Variants in CCDC191 observed in about 807,000 individuals in gnomAD.
CCDC191 encodes the protein coiled-coil domain containing 191.
Under a neutral mutation model 114.0 loss-of-function variants are expected in CCDC191, and 99 were observed. That is an observed-to-expected ratio of 0.87 (90% CI 0.74 to 1.03). CCDC191 has a LOEUF of 1.03. Ranked by LOEUF, CCDC191 falls within the 50% of genes least tolerant of loss-of-function variation. CCDC191 has a pLI of 0.00. For synonymous variants in CCDC191, 351 were observed against 376.0 expected, an observed-to-expected ratio of 0.93 and a Z score of 0.77; for missense variants, 973 against 1,087.0, an observed-to-expected ratio of 0.90 and a Z score of 1.47.
Position 114,013,696 on chromosome 3 carries a change from G to A in CCDC191, c.1164-2675C>T, listed in dbSNP as rs549990425. Among the ~76,000 whole-genome samples the A allele has an allele frequency of 2.6e-5, 4 of 152,292 alleles. No homozygotes were observed. The East Asian group carries it at 5.8e-4, about 22-fold the overall frequency. On this transcript the variant is annotated intron_variant, in intron 8 of 16. Coordinates refer to ENST00000295878, the MANE Select transcript of CCDC191 (RefSeq NM_020817.2). ...ACAATGATATATAACTGCATGCAGA[G>A]AAAGGCAGGCTCTGCTCATCTAAGA...
At chr3:114,053,236 C>T (rs2076720541) in intron 2 of CCDC191, among the ~76,000 whole-genome samples, 1 of 152,148 alleles carries the variant, frequency 6.6e-6, no homozygotes, top group African/African-American at 2.4e-5. Context: ...AGTTTTCACC[C>T]ATTAGTCCCT....
At chr3:113,995,019 TTGA>T (rs2075682006) in intron 13 of CCDC191, among the ~76,000 whole-genome samples, 1 of 152,242 alleles carries the variant, frequency 6.6e-6, no homozygotes, top group African/African-American at 2.4e-5. Context: ...GGAATACTAT[TTGA>T]TGATAAAAAG....
At chr3:114,018,317 C>A (rs937619887) in intron 8 of CCDC191, among the ~76,000 whole-genome samples, 1 of 150,922 alleles carries the variant, frequency 6.6e-6, no homozygotes, top group Non-Finnish European at 1.5e-5. Context: ...AGATCATGTA[C>A]AATGTATATT....
chr3:113,971,559 G>A (rs999656168), intron 16 of CCDC191, among the ~76,000 whole-genome samples: 9 of 152,150 alleles, frequency 5.9e-5, no homozygotes, highest in South Asian at 2.1e-4. Flanking sequence ...TCTTTTCAAC[G>A]TGTTATTGAA....
intron 7 of CCDC191, among the ~76,000 whole-genome samples, chr3:114,029,222 T>C (rs2076369228): frequency 6.6e-6 from 1 of 152,236 alleles, no homozygotes; most frequent in South Asian, 2.1e-4. Context: ...TGGAAGCATG[T>C]TGAAAGAACA....
Position 114,000,202 on chromosome 3 carries a change from T to C in CCDC191, c.2163+1393A>G, listed in dbSNP as rs528626703. ...GAGTTGGTGGCCTTAGTAAAGTAGA[T>C]TGCCCTCACTAATGTTGGTGGGCAT... On this transcript the variant is annotated intron_variant, in intron 13 of 16. Coordinates refer to ENST00000295878, the MANE Select transcript of CCDC191 (RefSeq NM_020817.2). Among the ~76,000 whole-genome samples, 11 of 145,672 alleles carry C rather than the reference T, an allele frequency of 7.6e-5. No individual in the cohort carries two copies. In the South Asian group the frequency reaches 2.2e-3, roughly 29 times the overall value.
At position 114,056,395 on chromosome 3, in the gene CCDC191, T is replaced by C. The variant is rs2076782826; in HGVS notation, c.72A>G (p.Thr24=). The C allele has an allele frequency of 4.3e-6, 7 of 1,614,138 alleles. No individual in the cohort carries two copies. The highest frequency in any genetic ancestry group is 5.9e-6 in the Non-Finnish European group (7 of 1,180,014). Residue 24 remains threonine (T), a synonymous_variant, in exon 1 of 17, where the codon ACA becomes ACG. Transcript: ENST00000295878. ...RMGLNRWKRF[T]RKPSPKPTFG... is the part of the protein sequence containing the mutation. Reference sequence around the variant, plus strand: ...GGATCACCTTGGGACTCGGCTTCCTTGTGAACCGTTTCCAGCGATTCAGCC... The same window carrying C: ...GGATCACCTTGGGACTCGGCTTCCTCGTGAACCGTTTCCAGCGATTCAGCC...
Position 114,056,471 on chromosome 3 carries a change from C to G in CCDC191, c.-5G>C, listed in dbSNP as rs770319669. 6.2e-6 allele frequency: 10 copies of G among 1,614,014 alleles called. No individual in the cohort carries two copies. In the African/African-American group the frequency reaches 1.3e-4, roughly 22 times the overall value. On this transcript the variant is annotated 5_prime_UTR_variant, in exon 1 of 17. Transcript: ENST00000295878. ...TCCCTGAGGCGCCAGGAGCATTTTCCAAGTTCGAGCCCGAACCTCGGCCAA... is the reference window on the plus strand; with the variant it reads ...TCCCTGAGGCGCCAGGAGCATTTTCGAAGTTCGAGCCCGAACCTCGGCCAA...
intron 9 of CCDC191, among the ~76,000 whole-genome samples, chr3:114,006,464 TG>T (rs986111424): frequency 2.7e-5 from 4 of 150,744 alleles, no homozygotes; most frequent in African/African-American, 9.8e-5. Flanking sequence ...AAAAGAAAAC[TG>T]GGAGAGTGGC....
chr3:114,028,371 T>C (rs531282092), intron 7 of CCDC191, among the ~76,000 whole-genome samples: 2 of 150,742 alleles, frequency 1.3e-5, no homozygotes, highest in African/African-American at 2.4e-5. Context: ...CTGCAAGCTC[T>C]GCCTCCTGGG....
At chr3:113,988,816 C>G (rs1396573075) in intron 13 of CCDC191, among the ~76,000 whole-genome samples, 1 of 150,882 alleles carries the variant, frequency 6.6e-6, no homozygotes, top group Non-Finnish European at 1.5e-5. Flanking sequence ...TTTTTTGAGA[C>G]AGAGTCTCGC....
At chr3:113,994,354 C>T (rs964536087) in intron 13 of CCDC191, among the ~76,000 whole-genome samples, 5 of 152,112 alleles carry the variant, frequency 3.3e-5, no homozygotes, top group Admixed American at 1.3e-4. Flanking sequence ...TACTACACAC[C>T]TATTAGAACA....
chr3:113,969,660 A>G (rs1940601168), intron 16 of CCDC191, among the ~76,000 whole-genome samples: 1 of 152,010 alleles, frequency 6.6e-6, no homozygotes, highest in Non-Finnish European at 1.5e-5. Flanking sequence ...TTGGTTGTAA[A>G]TGTGTGGATT....
At chr3:113,979,410 A>T (rs2075059782) in intron 14 of CCDC191, among the ~76,000 whole-genome samples, 1 of 152,252 alleles carries the variant, frequency 6.6e-6, no homozygotes, top group South Asian at 2.1e-4. Flanking sequence ...CTAATTGAGG[A>T]AATGCCAATA....
At chr3:113,980,864 G>T in intron 13 of CCDC191, 71 bp from the exon 14 acceptor site, 4 of 1,405,212 alleles carry the variant, frequency 2.8e-6, no homozygotes, top group Non-Finnish European at 3.9e-6. Flanking sequence ...AAAAGCTAAT[G>T]AATTTAATTT....
chr3:114,023,695 A>G (rs1345877568), intron 7 of CCDC191, among the ~76,000 whole-genome samples: 1 of 152,242 alleles, frequency 6.6e-6, no homozygotes. Context: ...CACCTTATAC[A>G]AAAATTAATT....
intron 4 of CCDC191, among the ~76,000 whole-genome samples, chr3:114,038,092 A>G (rs919058976): frequency 4.6e-5 from 7 of 152,200 alleles, no homozygotes; most frequent in Non-Finnish European, 1.0e-4. Flanking sequence ...AAGTATTCCA[A>G]TTTCTCCACA....
chr3:113,967,053 C>G (rs1247343618), intron 16 of CCDC191, among the ~76,000 whole-genome samples: 4 of 152,012 alleles, frequency 2.6e-5, no homozygotes, highest in Non-Finnish European at 5.9e-5. Flanking sequence ...GAGCCGAGAT[C>G]AAGCCATGGC....
chr3:114,002,105 A>G (rs1294475240), intron 12 of CCDC191, among the ~76,000 whole-genome samples: 1 of 152,164 alleles, frequency 6.6e-6, no homozygotes, highest in African/African-American at 2.4e-5. Flanking sequence ...TTTACTTTGG[A>G]TAGTCTAGGT....
Sources: gnomAD v4.1 joint callset for allele counts (sites outside exome capture counted in the v4.1 genomes callset) on GRCh38, gnomAD v4.1.1 for gene constraint, MANE v1.5 for transcripts, NCBI Gene and HGNC (gene_info 2026-07-23, HGNC 2026-07-21) for gene names.